ATP10A: variants seen among roughly 807,000 people sequenced by gnomAD.
ATP10A encodes the protein phospholipid-transporting ATPase VA.
In ATP10A, 111 loss-of-function variants were observed where a neutral mutation model predicts 147.8. That is an observed-to-expected ratio of 0.75 (90% CI 0.64 to 0.88). The LOEUF (loss-of-function observed/expected upper bound fraction) is 0.88. Among genes scored for constraint, ATP10A ranks in the 40% least tolerant of loss-of-function variants. ATP10A has a pLI of 0.00. For missense variants in ATP10A, 1,927 were observed against 1,959.0 expected, an observed-to-expected ratio of 0.98 and a Z score of 0.31; for synonymous variants, 875 against 841.6, an observed-to-expected ratio of 1.04 and a Z score of -0.69.
intron 15 of ATP10A, chr15:25,688,081 T>G: frequency 1.9e-6 from 1 of 521,184 alleles, no homozygotes; most frequent in South Asian, 2.1e-5. Context: ...TTCAAATATG[T>G]GTCACTAATG....
At chr15:25,815,857 T>C (rs1891632521) in intron 1 of ATP10A, among the ~76,000 whole-genome samples, 1 of 152,086 alleles carries the variant, frequency 6.6e-6, no homozygotes, top group African/African-American at 2.4e-5. Flanking sequence ...ATAGAGTATC[T>C]TTGTGTTTTA....
At chr15:25,675,252 T>C (rs1899113410), downstream of ATP10A, among the ~76,000 whole-genome samples, 1 of 152,194 alleles carries the variant, frequency 6.6e-6, no homozygotes, top group South Asian at 2.1e-4. Flanking sequence ...GTTTGATTAA[T>C]GAGGACCAGA....
chr15:25,687,545 G>A (rs1271900024), intron 16 of ATP10A, among the ~76,000 whole-genome samples, 158 bp downstream of exon 16: 1 of 151,610 alleles, frequency 6.6e-6, no homozygotes, highest in Admixed American at 6.6e-5. Flanking sequence ...AGAGTGCAGA[G>A]CCAGCCCAGG....
intron 1 of ATP10A, among the ~76,000 whole-genome samples, chr15:25,796,876 A>G (rs1890695643): frequency 6.6e-6 from 1 of 152,240 alleles, no homozygotes; most frequent in Non-Finnish European, 1.5e-5. Context: ...TTAATTGCCA[A>G]ATAATAATTG....
chr15:25,772,824 A>C (rs1473485174), intron 2 of ATP10A, among the ~76,000 whole-genome samples: 5 of 152,096 alleles, frequency 3.3e-5, no homozygotes, highest in African/African-American at 7.2e-5. Flanking sequence ...GTCCTTTTAC[A>C]GTTTTGGGAG....
Position 25,781,103 on chromosome 15 carries a change from G to C in ATP10A, c.570C>G (p.Asp190Glu), listed in dbSNP as rs771305955. Residue 190 changes from aspartate (D) to glutamate (E), a missense_variant, in exon 2 of 21, where the codon GAC becomes GAG. Transcript: ENST00000555815. ...TGGCGGTCTCGATGTGGCATAGCCC[G>C]TCGGGGTCACTGGAGGAGAGCAGCA... is the stretch of plus-strand genomic sequence containing the variant. The part of the protein sequence containing the change: ...DILLLSSSDP[D>E]GLCHIETANL... 9.3e-6 allele frequency: 15 copies of C among 1,614,206 alleles called. No homozygotes were observed. In the Admixed American group the frequency reaches 2.3e-4, roughly 25 times the overall value.
intron 2 of ATP10A, among the ~76,000 whole-genome samples, chr15:25,740,398 T>G (rs1887524502): frequency 6.6e-6 from 1 of 152,164 alleles, no homozygotes; most frequent in Admixed American, 6.5e-5. Context: ...AATCTGTGAG[T>G]GAGGCCACCT....
At chr15:25,833,995 A>G (rs1405723417) in intron 1 of ATP10A, among the ~76,000 whole-genome samples, 1 of 152,148 alleles carries the variant, frequency 6.6e-6, no homozygotes, top group Non-Finnish European at 1.5e-5. Context: ...AAACAAAAAA[A>G]AAACAAACTA....
At chr15:25,708,661 C>A in intron 10 of ATP10A, 1 of 183,636 alleles carries the variant, frequency 5.4e-6, no homozygotes, top group South Asian at 1.2e-4. Context: ...GAAATAAGCT[C>A]ATGAAAATAA....
chr15:25,716,259 C>A (rs1901799022), intron 9 of ATP10A, among the ~76,000 whole-genome samples: 1 of 152,216 alleles, frequency 6.6e-6, no homozygotes, highest in Non-Finnish European at 1.5e-5. Flanking sequence ...CTCCTCGTCC[C>A]AGAAGCTGGG....
chr15:25,772,093 C>T (rs944980678), intron 2 of ATP10A, among the ~76,000 whole-genome samples: 8 of 152,028 alleles, frequency 5.3e-5, no homozygotes, highest in African/African-American at 1.7e-4. Flanking sequence ...CCTATTTTAC[C>T]GGGACACATC....
chr15:25,724,388 A>G (rs1240293630), intron 5 of ATP10A, among the ~76,000 whole-genome samples: 2 of 152,240 alleles, frequency 1.3e-5, no homozygotes, highest in Admixed American at 1.3e-4. Context: ...CAGCAAAAAA[A>G]CAGTCAGTAG....
In ATP10A at chr15:25,714,177, G is replaced by A. The variant is rs766214943; in HGVS notation, c.1841C>T (p.Thr614Ile). 6.2e-7 allele frequency: 1 copy of A among 1,607,916 alleles called. No individual in the cohort carries two copies. The highest frequency in any genetic ancestry group is 1.7e-5 in the Admixed American group (1 of 60,020). The change falls in exon 10 of 21, where the codon ACA (threonine) becomes ATA (isoleucine). Residue 614 changes from threonine (T) to isoleucine (I), a missense_variant. Thr to Ile is a moderately conservative substitution (Grantham distance 89). Coordinates refer to ENST00000555815, the MANE Select transcript of ATP10A (RefSeq NM_024490.4). ...KTIEDFLRRFTPSCLTSGCSS... is the reference protein window; with the variant it reads ...KTIEDFLRRFIPSCLTSGCSS... ...GCAGCCTGAGGTCAGGCAGCTGGGT[G>A]TGAACCTCCGCAGGAAGTCTTCTAT...
At chr15:25,751,278 T>C (rs1888143955) in intron 2 of ATP10A, among the ~76,000 whole-genome samples, 1 of 152,126 alleles carries the variant, frequency 6.6e-6, no homozygotes. Context: ...GAAGCAAAAC[T>C]GATAGATCTG....
At chr15:25,723,732 T>C (rs563316501) in intron 6 of ATP10A, among the ~76,000 whole-genome samples, 159 bp downstream of exon 6, 1 of 152,136 alleles carries the variant, frequency 6.6e-6, no homozygotes, top group South Asian at 2.1e-4. Context: ...AAGATCCCAT[T>C]GGTGATTTAG....
intron 12 of ATP10A, among the ~76,000 whole-genome samples, chr15:25,706,334 C>G (rs1441639790): frequency 6.6e-6 from 1 of 152,198 alleles, no homozygotes; most frequent in Admixed American, 6.5e-5. Flanking sequence ...AAGCACCAAC[C>G]AGGAGACTCA....
chr15:25,859,905 C>T (rs753489774), intron 1 of ATP10A, among the ~76,000 whole-genome samples: 1 of 152,150 alleles, frequency 6.6e-6, no homozygotes, highest in Non-Finnish European at 1.5e-5. Flanking sequence ...CAGCTAAAGT[C>T]TGCTCATACT....
intron 12 of ATP10A, among the ~76,000 whole-genome samples, chr15:25,706,538 A>C (rs1596721754): frequency 2.0e-5 from 3 of 152,336 alleles, no homozygotes; most frequent in South Asian, 4.1e-4. Context: ...ACCAGCTTGC[A>C]GTGGCAGAGC....
intron 1 of ATP10A, among the ~76,000 whole-genome samples, chr15:25,797,589 C>T (rs1381413697): frequency 3.3e-5 from 5 of 152,190 alleles, no homozygotes; most frequent in African/African-American, 9.7e-5. Context: ...CTCTGGGCTC[C>T]AGGTGCCAGT....
Sources: gnomAD v4.1 joint callset for allele counts (sites outside exome capture counted in the v4.1 genomes callset) on GRCh38, gnomAD v4.1.1 for gene constraint, MANE v1.5 for transcripts, NCBI Gene and HGNC (gene_info 2026-07-23, HGNC 2026-07-21) for gene names.